Variants in PCDH11X observed in about 807,000 individuals in gnomAD.
PCDH11X encodes protocadherin-11 X-linked.
Under a neutral mutation model 53.3 loss-of-function variants are expected in PCDH11X, and 18 were observed. That is an observed-to-expected ratio of 0.34 (90% CI 0.23 to 0.50). The LOEUF is 0.50. Ranked by LOEUF, PCDH11X falls within the 20% of genes least tolerant of loss-of-function variation. PCDH11X has a pLI of 0.98. For missense variants in PCDH11X, 570 were observed against 1,032.4 expected (o/e 0.55, Z 6.14); for synonymous variants, 279 against 393.3 (o/e 0.71, Z 3.44).
intron 6 of PCDH11X, among the ~76,000 whole-genome samples, chrX:92,004,933 G>A (rs976427226): frequency 5.5e-5 from 6 of 109,177 alleles, no homozygotes; most frequent in South Asian, 4.0e-4. Flanking sequence ...CCGCCACCGC[G>A]CCCGGCTAAT....
chrX:92,557,755 T>A (rs1184285985), intron 10 of PCDH11X, among the ~76,000 whole-genome samples: 1 of 110,236 alleles, frequency 9.1e-6, no homozygotes, highest in African/African-American at 3.3e-5. Flanking sequence ...CATTTTCTAA[T>A]GTCTTTATAG....
Position 92,143,618 on chromosome X carries a change from T to C in PCDH11X, c.3034-57757T>C, listed in dbSNP as rs188067856. 2.4e-3 allele frequency among the ~76,000 whole-genome samples: 266 copies of C among 112,246 alleles called. 1 individual carries two copies. Among genetic ancestry groups the C allele is most frequent in the East Asian group, 0.022 (77 of 3,516 alleles). On this transcript the variant is annotated intron_variant, in intron 6 of 10. Coordinates refer to ENST00000682573, the MANE Select transcript of PCDH11X (RefSeq NM_032968.5). ...TGCCTAGAATTTAGAAGAAGATGTATGGAAACACTTGGATGCCCAGGCAAA... is the reference window on the plus strand; with the variant it reads ...TGCCTAGAATTTAGAAGAAGATGTACGGAAACACTTGGATGCCCAGGCAAA...
At chrX:91,962,857 C>A (rs1313639545) in intron 6 of PCDH11X, among the ~76,000 whole-genome samples, 1 of 111,651 alleles carries the variant, frequency 9.0e-6, no homozygotes, top group African/African-American at 3.3e-5. Context: ...AAGCTGCCAA[C>A]CCTTGGGGCT....
At chrX:92,473,915 A>G (rs1366714517) in intron 10 of PCDH11X, among the ~76,000 whole-genome samples, 2 of 111,609 alleles carry the variant, frequency 1.8e-5, no homozygotes, top group African/African-American at 3.3e-5. Flanking sequence ...AAAAATGTGT[A>G]TTCTGCAGCA....
At chrX:91,989,583 G>A (rs910096681) in intron 6 of PCDH11X, among the ~76,000 whole-genome samples, 1 of 104,459 alleles carries the variant, frequency 9.6e-6, no homozygotes, top group African/African-American at 3.6e-5. Context: ...ACAAAAAAAA[G>A]AATAAGAAGA....
At chrX:92,456,112 T>C (rs988189402) in intron 9 of PCDH11X, among the ~76,000 whole-genome samples, 128 of 111,888 alleles carry the variant, frequency 1.1e-3, no homozygotes, top group Non-Finnish European at 1.8e-3. Flanking sequence ...TGAAAGAGAA[T>C]AGGAAAATAT....
chrX:92,283,855 T>G (rs993044857), intron 8 of PCDH11X, among the ~76,000 whole-genome samples: 1 of 111,670 alleles, frequency 9.0e-6, no homozygotes, highest in South Asian at 3.7e-4. Flanking sequence ...GGAATGAAGG[T>G]AGACATATTT....
intron 6 of PCDH11X, among the ~76,000 whole-genome samples, chrX:92,014,456 C>A (rs2062753228): frequency 9.2e-6 from 1 of 108,779 alleles, no homozygotes; most frequent in Non-Finnish European, 1.9e-5. Flanking sequence ...ACTAGTTCAA[C>A]CATTGTGGAA....
intron 8 of PCDH11X, among the ~76,000 whole-genome samples, chrX:92,301,030 G>A (rs1356972762): frequency 9.0e-6 from 1 of 110,652 alleles, no homozygotes; most frequent in Non-Finnish European, 1.9e-5. Flanking sequence ...GCCTATGTGT[G>A]TGCCAGCAAA....
At chrX:92,020,472 C>T (rs1473628225) in intron 6 of PCDH11X, among the ~76,000 whole-genome samples, 1 of 111,717 alleles carries the variant, frequency 9.0e-6, no homozygotes, top group Non-Finnish European at 1.9e-5. Flanking sequence ...CCCATTCTTC[C>T]TCATTGGGCA....
chrX:92,305,655 C>T (rs2068811651), intron 8 of PCDH11X, among the ~76,000 whole-genome samples: 1 of 107,901 alleles, frequency 9.3e-6, no homozygotes, highest in Non-Finnish European at 1.9e-5. Context: ...GTTTATAACA[C>T]CTGTTAAGCA....
intron 10 of PCDH11X, among the ~76,000 whole-genome samples, chrX:92,490,814 GAGAA>G (rs1361191291): frequency 9.2e-6 from 1 of 108,679 alleles, no homozygotes; most frequent in Non-Finnish European, 1.9e-5. Flanking sequence ...AAGAGAGAGA[GAGAA>G]AGCAAGCAAG....
At chrX:92,273,900 A>G (rs1347914156) in intron 8 of PCDH11X, among the ~76,000 whole-genome samples, 1 of 110,666 alleles carries the variant, frequency 9.0e-6, no homozygotes, top group East Asian at 2.9e-4. Flanking sequence ...GCCAGCAAAG[A>G]TTACTTATTT....
chrX:92,453,586 G>T (rs193064375), intron 9 of PCDH11X, among the ~76,000 whole-genome samples: 3,058 of 110,764 alleles, frequency 0.028, 65 homozygotes, highest in African/African-American at 0.078. Flanking sequence ...GAGATTATGG[G>T]TTTTTTTCTT....
At chrX:91,872,262 AAAG>A (rs1411324707) in intron 5 of PCDH11X, among the ~76,000 whole-genome samples, 1 of 107,540 alleles carries the variant, frequency 9.3e-6, no homozygotes, top group East Asian at 2.9e-4. Flanking sequence ...TTTGAACAGA[AAAG>A]AAGTAGTTGT....
intron 9 of PCDH11X, among the ~76,000 whole-genome samples, chrX:92,440,957 T>C (rs1167909676): frequency 1.8e-5 from 2 of 111,325 alleles, no homozygotes; most frequent in African/African-American, 6.5e-5. Context: ...ATATGCACAA[T>C]AAAGTCCAGG....
intron 6 of PCDH11X, among the ~76,000 whole-genome samples, chrX:92,120,409 C>T (rs1188903232): frequency 2.7e-5 from 3 of 112,210 alleles, no homozygotes; most frequent in African/African-American, 6.5e-5. Flanking sequence ...CCACCCGCCT[C>T]GGCCTCTGAA....
At position 91,995,811 on chromosome X, in the gene PCDH11X, A is replaced by G. The variant is rs775274949; in HGVS notation, c.3033+116538A>G. Among the ~76,000 whole-genome samples the G allele has an allele frequency of 3.6e-5, 4 of 110,411 alleles. No individual in the cohort carries two copies. In the South Asian group the frequency reaches 1.5e-3, roughly 42 times the overall value. ...GTAACACTATAAATTCTTCCAATCT[A>G]AGCACATGGGGTATCCATTTATTTG... On this transcript the variant is annotated intron_variant, in intron 6 of 10. Transcript: ENST00000682573.
At chrX:91,960,010 CT>C (rs1404154585) in intron 6 of PCDH11X, among the ~76,000 whole-genome samples, 1 of 85,631 alleles carries the variant, frequency 1.2e-5, no homozygotes, top group Non-Finnish European at 2.3e-5. Flanking sequence ...GAAGTAATAT[CT>C]GCTTGTGATT....
Sources: gnomAD v4.1 joint callset for allele counts (sites outside exome capture counted in the v4.1 genomes callset) on GRCh38, gnomAD v4.1.1 for gene constraint, MANE v1.5 for transcripts, NCBI Gene and HGNC (gene_info 2026-07-23, HGNC 2026-07-21) for gene names.